The following NCAM2 variants were observed in gnomAD, a reference collection of about 807,000 sequenced individuals.
The protein encoded by NCAM2 is neural cell adhesion molecule 2, also known as N-CAM-2.
In NCAM2, 30 loss-of-function variants were observed where a neutral mutation model predicts 98.1. The ratio of observed to expected loss-of-function variants is 0.31; its 90% CI spans 0.23 to 0.41. The LOEUF (loss-of-function observed/expected upper bound fraction) is 0.41. Among genes scored for constraint, NCAM2 ranks in the 10% least tolerant of loss-of-function variants. NCAM2 has a pLI of 1.00. For synonymous variants in NCAM2, 368 were observed against 342.4 expected (o/e 1.07, Z -0.83); for missense variants, 867 against 1,005.8 (o/e 0.86, Z 1.87).
chr21:21,083,327 G>T (rs773152434), intron 1 of NCAM2, among the ~76,000 whole-genome samples: 1 of 151,582 alleles, frequency 6.6e-6, no homozygotes, highest in Non-Finnish European at 1.5e-5. Context: ...CCATGTAACA[G>T]GGGAGAAAAC....
intron 9 of NCAM2, among the ~76,000 whole-genome samples, chr21:21,390,943 A>G (rs1257033205): frequency 6.6e-6 from 1 of 152,242 alleles, no homozygotes. Context: ...TTGGATAATC[A>G]TCACATATTG....
intron 1 of NCAM2, among the ~76,000 whole-genome samples, chr21:21,090,429 T>G (rs1327730258): frequency 6.6e-6 from 1 of 152,290 alleles, no homozygotes; most frequent in Non-Finnish European, 1.5e-5. Flanking sequence ...ATGGACAGTT[T>G]TATTCTTGTT....
At position 21,218,676 on chromosome 21, in the gene NCAM2, A is replaced by G. The variant is rs143115664; in HGVS notation, c.56-61902A>G. ...TTGAAGACTGGAAAGAGGCCTCTAT[A>G]ACCTGGAAAAGGCAATAAGTGAAAT... On this transcript the variant is annotated intron_variant, in intron 1 of 17. Transcript: ENST00000400546. 1.3e-3 allele frequency among the ~76,000 whole-genome samples: 191 copies of G among 152,322 alleles called. 2 individuals are homozygous for G. The highest frequency in any genetic ancestry group is 6.8e-3 in the Middle Eastern group (2 of 294).
At chr21:21,225,894 A>T (rs1424393268) in intron 1 of NCAM2, among the ~76,000 whole-genome samples, 3 of 152,188 alleles carry the variant, frequency 2.0e-5, no homozygotes, top group South Asian at 2.1e-4. Context: ...TCATAGCACT[A>T]CTCACAACAG....
At chr21:21,220,454 G>GCC (rs1330309809) in intron 1 of NCAM2, among the ~76,000 whole-genome samples, 19 of 152,172 alleles carry the variant, frequency 1.2e-4, no homozygotes, top group Non-Finnish European at 8.8e-5. Context: ...ATACCACACA[G>GCC]CCTAGGTTTG....
rs116980224 is a variant in NCAM2 at position 21,456,991 on chromosome 21, A to G, written c.1655-9615A>G. Among the ~76,000 whole-genome samples, 72 of 152,260 alleles carry G rather than the reference A, an allele frequency of 4.7e-4. No homozygotes were observed. In the East Asian group the frequency reaches 0.013, roughly 28 times the overall value. Reference sequence around the variant, plus strand: ...ACTTAGTCTAAGATATTCTCTTATAATTGTCTAAATGTAATAAGCCAGAAA... The same window carrying G: ...ACTTAGTCTAAGATATTCTCTTATAGTTGTCTAAATGTAATAAGCCAGAAA... On this transcript the variant is annotated intron_variant, in intron 12 of 17. Transcript: ENST00000400546.
chr21:21,483,728 C>G (rs1490980988), intron 15 of NCAM2, among the ~76,000 whole-genome samples: 1 of 152,046 alleles, frequency 6.6e-6, no homozygotes, highest in Non-Finnish European at 1.5e-5. Flanking sequence ...GATACTACAC[C>G]TGCAGCAGCA....
intron 3 of NCAM2, among the ~76,000 whole-genome samples, chr21:21,286,035 C>G (rs1359165904): frequency 6.6e-6 from 1 of 151,902 alleles, no homozygotes; most frequent in African/African-American, 2.4e-5. Flanking sequence ...AGGAGATACA[C>G]TCCAGTTTAT....
intron 1 of NCAM2, among the ~76,000 whole-genome samples, chr21:21,087,890 C>T (rs12626363): frequency 0.23 from 34,809 of 152,026 alleles, 4,654 homozygotes; most frequent in African/African-American, 0.37. Flanking sequence ...TGTGATCACA[C>T]AGGGAATCGA....
intron 1 of NCAM2, among the ~76,000 whole-genome samples, chr21:21,265,202 ATG>A (rs1170343326): frequency 8.1e-6 from 1 of 123,372 alleles, no homozygotes; most frequent in African/African-American, 3.0e-5. Flanking sequence ...GTGTGTATGT[ATG>A]TGTGTATATA....
intron 15 of NCAM2, among the ~76,000 whole-genome samples, chr21:21,496,212 G>A (rs772872940): frequency 6.6e-6 from 1 of 151,734 alleles, no homozygotes; most frequent in Non-Finnish European, 1.5e-5. Flanking sequence ...CTCAGTGGCT[G>A]GACTAAGTTG....
chr21:21,354,033 T>C (rs563025564), intron 8 of NCAM2, among the ~76,000 whole-genome samples: 2 of 152,226 alleles, frequency 1.3e-5, no homozygotes, highest in African/African-American at 4.8e-5. Context: ...ATTTTGCCTC[T>C]AGAATTCTTA....
intron 15 of NCAM2, among the ~76,000 whole-genome samples, chr21:21,479,608 A>AAAAAAAAAATT (rs1491473437): frequency 2.3e-5 from 3 of 127,916 alleles, no homozygotes; most frequent in Non-Finnish European, 5.3e-5. Flanking sequence ...AAAAAAAAAA[A>AAAAAAAAAATT]TTGTTGATGA....
At chr21:21,286,599 C>T (rs1010944525) in intron 4 of NCAM2, among the ~76,000 whole-genome samples, 187 bp downstream of exon 4, 4 of 151,754 alleles carry the variant, frequency 2.6e-5, no homozygotes, top group Non-Finnish European at 4.4e-5. Flanking sequence ...AATTCACTGC[C>T]CTTTACCCCT....
intron 4 of NCAM2, among the ~76,000 whole-genome samples, chr21:21,290,912 G>A (rs1346852245): frequency 1.3e-5 from 2 of 151,828 alleles, no homozygotes; most frequent in Non-Finnish European, 2.9e-5. Context: ...AGAGGTATAG[G>A]CAGGATCCTA....
intron 1 of NCAM2, among the ~76,000 whole-genome samples, chr21:21,038,331 A>G (rs568235679): frequency 3.9e-5 from 6 of 152,236 alleles, no homozygotes; most frequent in Non-Finnish European, 8.8e-5. Context: ...AAGAAAAAAC[A>G]TATTTGTTGT....
intron 5 of NCAM2, among the ~76,000 whole-genome samples, chr21:21,319,185 G>A (rs2074303285): frequency 6.6e-6 from 1 of 152,014 alleles, no homozygotes; most frequent in African/African-American, 2.4e-5. Flanking sequence ...TTACACTGGT[G>A]TTTTCAACCA....
chr21:21,345,507 T>C (rs1221454898), intron 8 of NCAM2, among the ~76,000 whole-genome samples: 5 of 152,106 alleles, frequency 3.3e-5, no homozygotes, highest in African/African-American at 1.2e-4. Flanking sequence ...ATTAGAGTCC[T>C]TTAATAGCAG....
At chr21:21,377,393 C>A (rs1303609881) in intron 9 of NCAM2, among the ~76,000 whole-genome samples, 1 of 151,774 alleles carries the variant, frequency 6.6e-6, no homozygotes, top group Non-Finnish European at 1.5e-5. Flanking sequence ...ATTTAGTTTA[C>A]ATTTACATGT....
Sources: allele counts gnomAD v4.1 joint callset (sites outside exome capture counted in the v4.1 genomes callset), GRCh38; gene constraint gnomAD v4.1.1; transcripts MANE v1.5; gene names NCBI Gene and HGNC (gene_info 2026-07-23, HGNC 2026-07-21).